The following RANBP2 variants were observed in gnomAD, a reference collection of about 807,000 sequenced individuals.
RANBP2 encodes the protein E3 SUMO-protein ligase RanBP2.
RANBP2 carries 57 observed loss-of-function variants against 303.6 expected under a neutral mutation model. That is an observed-to-expected ratio of 0.19 (90% CI 0.15 to 0.23). The LOEUF is 0.23. Ranked by LOEUF, RANBP2 falls within the 10% of genes least tolerant of loss-of-function variation. The pLI is 1.00. For missense variants in RANBP2, 3,138 were observed against 3,780.8 expected, an observed-to-expected ratio of 0.83 and a Z score of 4.46; for synonymous variants, 1,167 against 1,301.5, an observed-to-expected ratio of 0.90 and a Z score of 2.23.
At position 108,763,650 on chromosome 2, in the gene RANBP2, C is replaced by T; in HGVS notation, c.3111C>T (p.Phe1037=). ...QPTPFKFNSN[F]KSNDGDFTFS... ...CTCCTTTTAAATTTAACTCAAATTT[C>T]AAATCAAATGATGGTGACTTCACGT... is the stretch of plus-strand genomic sequence containing the variant. Residue 1037 remains phenylalanine, a synonymous_variant, in exon 20 of 29, where the codon TTC becomes TTT. Coordinates refer to ENST00000283195, the MANE Select transcript of RANBP2 (RefSeq NM_006267.5). The T allele has an allele frequency of 6.2e-7, 1 of 1,614,116 alleles. No individual in the cohort carries two copies. The highest frequency in any genetic ancestry group is 8.5e-7 in the Non-Finnish European group (1 of 1,179,998).
the RANBP2 span, among the ~76,000 whole-genome samples, chr2:109,001,876 C>T: frequency 6.6e-6 from 1 of 151,938 alleles, no homozygotes; most frequent in African/African-American, 2.4e-5. Flanking sequence ...ACTATAGGCG[C>T]CCGCCACCAC....
the RANBP2 span, among the ~76,000 whole-genome samples, chr2:109,537,751 GC>G: frequency 6.6e-6 from 1 of 152,088 alleles, no homozygotes; most frequent in Non-Finnish European, 1.5e-5. Context: ...TTCGAGACAA[GC>G]CTGGGCAACG....
At chr2:109,589,448 C>G in the RANBP2 span, among the ~76,000 whole-genome samples, 1 of 152,076 alleles carries the variant, frequency 6.6e-6, no homozygotes, top group East Asian at 1.9e-4. Context: ...ATGAGAACCG[C>G]TTGAACCTGA....
At chr2:109,090,308 CCTCACACACACACACACACA>C in the RANBP2 span, among the ~76,000 whole-genome samples, 1 of 132,730 alleles carries the variant, frequency 7.5e-6, no homozygotes, top group Admixed American at 7.6e-5. Flanking sequence ...GGACACCTCG[CCTCACACACACACACACACA>C]CACACACACA....
intron 1 of RANBP2, among the ~76,000 whole-genome samples, chr2:108,722,296 C>T (rs1441695009): frequency 6.6e-6 from 1 of 152,030 alleles, no homozygotes; most frequent in African/African-American, 2.4e-5. Flanking sequence ...ACATTAGAAC[C>T]TGGGGATTTC....
At chr2:109,629,044 A>T in the RANBP2 span, among the ~76,000 whole-genome samples, 165 of 151,680 alleles carry the variant, frequency 1.1e-3, 1 homozygote, top group African/African-American at 3.8e-3. Context: ...CTCTACTAAA[A>T]TTACAAAATT....
chr2:108,800,266 G>C, the RANBP2 span, among the ~76,000 whole-genome samples: 4 of 151,820 alleles, frequency 2.6e-5, no homozygotes, highest in East Asian at 3.9e-4. Flanking sequence ...CACTTTTTTT[G>C]TTGTTGTTGT....
chr2:108,834,415 A>G, the RANBP2 span, among the ~76,000 whole-genome samples: 2 of 151,594 alleles, frequency 1.3e-5, no homozygotes, highest in African/African-American at 4.9e-5. Context: ...GGGTTTCACC[A>G]TGTTGGCCAG....
At chr2:109,103,389 T>C in the RANBP2 span, among the ~76,000 whole-genome samples, 1 of 152,188 alleles carries the variant, frequency 6.6e-6, no homozygotes, top group Non-Finnish European at 1.5e-5. Context: ...CCCTAAAATA[T>C]ATAAAACCAA....
chr2:108,880,981 G>C, the RANBP2 span, among the ~76,000 whole-genome samples: 1 of 152,212 alleles, frequency 6.6e-6, no homozygotes, highest in Admixed American at 6.5e-5. Context: ...CAGGAATTTG[G>C]AAAGAGTTGA....
At chr2:109,383,523 T>C in the RANBP2 span, among the ~76,000 whole-genome samples, 1 of 152,204 alleles carries the variant, frequency 6.6e-6, no homozygotes, top group Non-Finnish European at 1.5e-5. Flanking sequence ...TAATACTTTC[T>C]GTTTCCAATG....
the RANBP2 span, chr2:108,929,255 G>A: frequency 1.2e-6 from 2 of 1,614,066 alleles, no homozygotes; most frequent in African/African-American, 2.7e-5. Context: ...TGTCAGCACG[G>A]TGGCCCGGAA....
the RANBP2 span, among the ~76,000 whole-genome samples, chr2:108,900,571 A>AAAAAAAAAAAAAAAAAAAAC: frequency 6.8e-6 from 1 of 147,420 alleles, no homozygotes. Context: ...AAAAAAAAAA[A>AAAAAAAAAAAAAAAAAAAAC]AACAAAAAAC....
chr2:108,913,778 G>A, the RANBP2 span, among the ~76,000 whole-genome samples: 8 of 151,948 alleles, frequency 5.3e-5, no homozygotes, highest in Non-Finnish European at 8.8e-5. Flanking sequence ...GGGAAACCCC[G>A]TCTCTACTAA....
the RANBP2 span, among the ~76,000 whole-genome samples, chr2:109,520,225 G>C: frequency 6.6e-6 from 1 of 152,236 alleles, no homozygotes; most frequent in African/African-American, 2.4e-5. Flanking sequence ...CAAATTTTAA[G>C]TTTTTAAAAG....
the RANBP2 span, chr2:109,544,568 A>C: frequency 1.0e-6 from 1 of 981,502 alleles, no homozygotes; most frequent in Non-Finnish European, 1.2e-6. Flanking sequence ...CAGGGTGATA[A>C]TTTTTACAAG....
At chr2:109,355,255 G>C in the RANBP2 span, among the ~76,000 whole-genome samples, 1 of 152,206 alleles carries the variant, frequency 6.6e-6, no homozygotes, top group African/African-American at 2.4e-5. Flanking sequence ...TTATGTTGTG[G>C]AAACAAGTTT....
chr2:109,692,604 A>AAG, the RANBP2 span, among the ~76,000 whole-genome samples: 1 of 152,060 alleles, frequency 6.6e-6, no homozygotes, highest in Admixed American at 6.6e-5. Flanking sequence ...GTGTGGGAGA[A>AAG]AGCGAGGAAG....
intron 7 of RANBP2, among the ~76,000 whole-genome samples, chr2:108,743,755 G>C (rs1386170619): frequency 1.3e-5 from 2 of 152,180 alleles, no homozygotes; most frequent in Non-Finnish European, 2.9e-5. Flanking sequence ...CAATGTGGGT[G>C]TGCTTTACCT....
Sources: allele counts gnomAD v4.1 joint callset (sites outside exome capture counted in the v4.1 genomes callset), GRCh38; gene constraint gnomAD v4.1.1; transcripts MANE v1.5; gene names NCBI Gene and HGNC (gene_info 2026-07-23, HGNC 2026-07-21).